FSTL4: variants seen among roughly 807,000 people sequenced by gnomAD.
FSTL4 encodes the protein follistatin like 4, also known as follistatin-related protein 4.
In FSTL4, 28 loss-of-function variants were observed where a neutral mutation model predicts 78.2. The ratio of observed to expected loss-of-function variants is 0.36; its 90% CI spans 0.27 to 0.49. The LOEUF (loss-of-function observed/expected upper bound fraction) is 0.49, where lower values mean the gene tolerates loss of function less well. FSTL4 is among the 20% of genes least tolerant of loss of function. FSTL4 has a pLI of 0.98. For synonymous variants in FSTL4, 422 were observed against 440.5 expected (o/e 0.96, Z 0.53); for missense variants, 922 against 1,084.9 (o/e 0.85, Z 2.11).
At chr5:133,300,180 T>C (rs1005531479) in intron 6 of FSTL4, among the ~76,000 whole-genome samples, 1 of 152,126 alleles carries the variant, frequency 6.6e-6, no homozygotes, top group Non-Finnish European at 1.5e-5. Flanking sequence ...GATCCAGCTG[T>C]ACCTTGCACC....
Position 133,199,535 on chromosome 5 carries a change from C to T in FSTL4, c.2089G>A (p.Asp697Asn), listed in dbSNP as rs376592323. 29 of 1,614,004 alleles carry T rather than the reference C, an allele frequency of 1.8e-5. No individual in the cohort carries two copies. Among genetic ancestry groups the T allele is most frequent in the Middle Eastern group, 1.6e-4 (1 of 6,062 alleles). Residue 697 changes from aspartate to asparagine, a missense_variant, in exon 16 of 16, where the codon GAC becomes AAC. Asp to Asn is a conservative substitution (Grantham distance 23, BLOSUM62 1). Coordinates refer to ENST00000265342, the MANE Select transcript of FSTL4 (RefSeq NM_015082.2). This position sits in a 1 kb window ranked among gnomAD's most constrained non-coding sequence, Gnocchi z 4.4. ...DVTGTPHTSP[D>N]GRFIVSAAAD... ...GCAGCACTGACTATGAAGCGCCCGT[C>T]GGGGGATGTGTGTGGGGTGCCTGTT...
At chr5:133,775,174 T>C in the FSTL4 span, among the ~76,000 whole-genome samples, 537 of 152,328 alleles carry the variant, frequency 3.5e-3, 5 homozygotes, top group African/African-American at 0.013. Context: ...TAAACTTCTC[T>C]ATTATTTGGT....
At chr5:133,232,441 G>A (rs1291675235) in intron 8 of FSTL4, among the ~76,000 whole-genome samples, 1 of 152,158 alleles carries the variant, frequency 6.6e-6, no homozygotes, top group African/African-American at 2.4e-5. Context: ...ATAATGGGAA[G>A]GAGGCTCTCT....
intron 6 of FSTL4, among the ~76,000 whole-genome samples, chr5:133,255,222 G>A (rs1399596138): frequency 2.6e-5 from 4 of 152,236 alleles, no homozygotes; most frequent in Admixed American, 1.3e-4. Flanking sequence ...TACACACTGA[G>A]GCTGGTGTCT....
chr5:133,388,573 A>AAAGACTAAAGTCT (rs1755761672), intron 4 of FSTL4: 1 of 143,174 alleles, frequency 7.0e-6, no homozygotes, highest in African/African-American at 2.5e-5. Flanking sequence ...CCCCAGTGCA[A>AAAGACTAAAGTCT]CACCAGGTAG....
chr5:133,349,850 G>A (rs1754784860), intron 4 of FSTL4, among the ~76,000 whole-genome samples: 1 of 145,382 alleles, frequency 6.9e-6, no homozygotes, highest in Non-Finnish European at 1.5e-5. Flanking sequence ...GGACCCATAG[G>A]ATGGACTTTG....
chr5:133,553,156 A>G (rs1200085473), intron 3 of FSTL4, among the ~76,000 whole-genome samples: 2 of 152,136 alleles, frequency 1.3e-5, no homozygotes, highest in African/African-American at 4.8e-5. Flanking sequence ...CCCGGAACCC[A>G]CAGTCTGTAT....
At chr5:133,336,157 T>C (rs1194815450) in intron 4 of FSTL4, among the ~76,000 whole-genome samples, 1 of 152,176 alleles carries the variant, frequency 6.6e-6, no homozygotes, top group Non-Finnish European at 1.5e-5. Context: ...GCCCTCATCA[T>C]TTTGAGGCCC....
chr5:133,688,039 G>A, the FSTL4 span, among the ~76,000 whole-genome samples: 2 of 152,348 alleles, frequency 1.3e-5, no homozygotes, highest in East Asian at 1.9e-4. Context: ...ACATCACTGT[G>A]CTCAGCTTGG....
chr5:133,327,344 T>C (rs989627745), intron 4 of FSTL4, among the ~76,000 whole-genome samples: 7 of 152,184 alleles, frequency 4.6e-5, no homozygotes, highest in Non-Finnish European at 8.8e-5. Context: ...GAAAGCTGCA[T>C]TTTAAGAGTC....
chr5:133,502,687 G>A (rs1396705577), intron 3 of FSTL4, among the ~76,000 whole-genome samples: 1 of 152,124 alleles, frequency 6.6e-6, no homozygotes, highest in African/African-American at 2.4e-5. Context: ...CATGTGAGAC[G>A]TGCCTGCTTT....
At chr5:133,661,137 C>T in the FSTL4 span, among the ~76,000 whole-genome samples, 24 of 152,238 alleles carry the variant, frequency 1.6e-4, no homozygotes, top group African/African-American at 5.1e-4. Flanking sequence ...ATTACAGATG[C>T]GCGCCATCAT....
chr5:133,254,831 T>A (rs1752345075), intron 6 of FSTL4, among the ~76,000 whole-genome samples: 1 of 151,926 alleles, frequency 6.6e-6, no homozygotes, highest in Non-Finnish European at 1.5e-5. Context: ...ATGGCGAGGG[T>A]CTGGAATTTG....
chr5:133,279,286 C>G (rs571891835), intron 6 of FSTL4, among the ~76,000 whole-genome samples: 8 of 152,304 alleles, frequency 5.3e-5, no homozygotes, highest in African/African-American at 1.7e-4. Context: ...CAAAGGAGCA[C>G]AAACCCTATA....
intron 6 of FSTL4, chr5:133,266,606 C>T (rs1752647848): frequency 6.6e-6 from 1 of 152,302 alleles, no homozygotes; most frequent in Non-Finnish European, 1.5e-5. Context: ...CTCTGTCCCT[C>T]TGTGAGAAGC....
the FSTL4 span, among the ~76,000 whole-genome samples, chr5:133,743,573 A>G: frequency 2.0e-5 from 3 of 152,234 alleles, no homozygotes; most frequent in African/African-American, 7.2e-5. Flanking sequence ...TGCAAAAACT[A>G]AATAATGCAA....
chr5:133,359,005 T>C (rs1755008817), intron 4 of FSTL4, among the ~76,000 whole-genome samples: 1 of 152,188 alleles, frequency 6.6e-6, no homozygotes, highest in Non-Finnish European at 1.5e-5. Context: ...CATGTGGAAA[T>C]TCTCACACGG....
At chr5:133,602,842 TTAAG>T (rs1263376034) in intron 2 of FSTL4, among the ~76,000 whole-genome samples, 1 of 152,222 alleles carries the variant, frequency 6.6e-6, no homozygotes, top group Non-Finnish European at 1.5e-5. Flanking sequence ...TGCATTACAA[TTAAG>T]TAATAATGAA....
intron 6 of FSTL4, among the ~76,000 whole-genome samples, chr5:133,289,125 G>T (rs1284877155): frequency 6.6e-6 from 1 of 152,198 alleles, no homozygotes; most frequent in Non-Finnish European, 1.5e-5. Flanking sequence ...GATAACAGTG[G>T]GAACCTTGGG....
Sources: gnomAD v4.1 joint callset for allele counts (sites outside exome capture counted in the v4.1 genomes callset) on GRCh38, gnomAD v4.1.1 for gene constraint, Gnocchi (gnomAD v3.1) non-coding constraint, MANE v1.5 for transcripts, NCBI Gene and HGNC (gene_info 2026-07-23, HGNC 2026-07-21) for gene names.